The following ABCG2 variants were observed in gnomAD, a reference collection of about 807,000 sequenced individuals.
ABCG2 encodes ATP binding cassette subfamily G member 2 (JR blood group).
Under a neutral mutation model 73.5 loss-of-function variants are expected in ABCG2, and 80 were observed. The ratio of observed to expected loss-of-function variants is 1.09; its 90% confidence interval spans 0.91 to 1.31. ABCG2 has a LOEUF of 1.31. Ranked by LOEUF, ABCG2 falls within the 50% of genes most tolerant of loss-of-function variation. ABCG2 has a pLI of 0.00. For missense variants in ABCG2, 796 were observed against 786.2 expected (o/e 1.01, Z -0.15); for synonymous variants, 269 against 282.4 (o/e 0.95, Z 0.48).
intron 7 of ABCG2, among the ~76,000 whole-genome samples, 198 bp from the exon 8 acceptor site, chr4:88,115,256 C>CTCTCTCTATA (rs1309360818): frequency 2.9e-5 from 2 of 69,872 alleles, no homozygotes; most frequent in African/African-American, 1.1e-4. Flanking sequence ...CTCTCTCTCT[C>CTCTCTCTATA]TATATATATA....
Position 88,091,015 on chromosome 4 carries a change from C to T in ABCG2, c.*1219G>A, listed in dbSNP as rs1308670140. On this transcript the variant is annotated 3_prime_UTR_variant, in exon 16 of 16. Coordinates refer to ENST00000237612, the MANE Select transcript of ABCG2 (RefSeq NM_004827.3). Reference sequence around the variant, plus strand: ...GGAGATAATTAAGTATCAACCTATGCACACAGAAACACAACACTTGGCTGT... The same window carrying T: ...GGAGATAATTAAGTATCAACCTATGTACACAGAAACACAACACTTGGCTGT... 6.6e-6 allele frequency: 1 copy of T among 152,196 alleles called. No individual in the cohort carries two copies. Among genetic ancestry groups the T allele is most frequent in the East Asian group, 1.9e-4 (1 of 5,200 alleles). 9.4% of individuals were successfully genotyped at this position (152,196 alleles called of 1,614,324 possible). A position where few individuals can be genotyped will look rare whatever the true frequency, so the allele number is the denominator to read the frequency against.
intron 11 of ABCG2, among the ~76,000 whole-genome samples, chr4:88,100,622 C>T (rs1722342322): frequency 6.6e-6 from 1 of 151,928 alleles, no homozygotes; most frequent in South Asian, 2.1e-4. Flanking sequence ...TGGACTCCAG[C>T]CTGGGCGACA....
At chr4:88,172,708 A>G (rs997513857) in intron 1 of ABCG2, among the ~76,000 whole-genome samples, 8 of 152,198 alleles carry the variant, frequency 5.3e-5, no homozygotes, top group East Asian at 1.9e-4. Flanking sequence ...AGTGGCTACA[A>G]ATTCTTAGAG....
chr4:88,166,703 T>C (rs1376753364), intron 1 of ABCG2, among the ~76,000 whole-genome samples: 3 of 152,184 alleles, frequency 2.0e-5, no homozygotes, highest in Non-Finnish European at 4.4e-5. Flanking sequence ...GGTAAAGGGT[T>C]AGATAAATTC....
intron 1 of ABCG2, among the ~76,000 whole-genome samples, chr4:88,172,966 C>T (rs923341988): frequency 1.3e-5 from 2 of 152,256 alleles, no homozygotes; most frequent in African/African-American, 2.4e-5. Flanking sequence ...TGAAGGGTAG[C>T]TTAATTGCCT....
chr4:88,217,530 T>C (rs758040629), intron 1 of ABCG2, among the ~76,000 whole-genome samples: 7 of 151,996 alleles, frequency 4.6e-5, no homozygotes, highest in Non-Finnish European at 8.8e-5. Flanking sequence ...GGTGTGGTGG[T>C]GTGTGCCTAT....
At chr4:88,162,784 A>G (rs1727366902), upstream of ABCG2, among the ~76,000 whole-genome samples, 1 of 152,220 alleles carries the variant, frequency 6.6e-6, no homozygotes, top group Non-Finnish European at 1.5e-5. Flanking sequence ...CACCAGTGCA[A>G]AGGAGACTGA....
chr4:88,105,482 A>C (rs1722711795), intron 10 of ABCG2, among the ~76,000 whole-genome samples: 1 of 152,176 alleles, frequency 6.6e-6, no homozygotes, highest in South Asian at 2.1e-4. Flanking sequence ...TTCAGAACAC[A>C]ATACAGTCGA....
At chr4:88,152,365 C>T (rs1014176656) in intron 1 of ABCG2, among the ~76,000 whole-genome samples, 3 of 152,116 alleles carry the variant, frequency 2.0e-5, no homozygotes, top group Admixed American at 6.6e-5. Flanking sequence ...AAACAGGCTT[C>T]GTGTGAGCAA....
intron 1 of ABCG2, among the ~76,000 whole-genome samples, chr4:88,179,839 T>G (rs1728161299): frequency 6.6e-6 from 1 of 151,878 alleles, no homozygotes; most frequent in Non-Finnish European, 1.5e-5. Context: ...AGCAGGGAAA[T>G]AACGAGTGAG....
At chr4:88,135,258 A>C (rs570383117) in intron 2 of ABCG2, among the ~76,000 whole-genome samples, 74 of 152,146 alleles carry the variant, frequency 4.9e-4, no homozygotes, top group Non-Finnish European at 7.8e-4. Context: ...CAGCATTTGC[A>C]TGCAGGTCAG....
At position 88,120,679 on chromosome 4, in the gene ABCG2, C is replaced by T. The variant is rs1405114576; in HGVS notation, c.689+956G>A. Reference sequence around the variant, plus strand: ...CAGGTGTATTTACCCAATGCCTGTACTCCTATTGTATCTAGGAAGTTACTA... The same window carrying T: ...CAGGTGTATTTACCCAATGCCTGTATTCCTATTGTATCTAGGAAGTTACTA... On this transcript the variant is annotated intron_variant, in intron 6 of 15. Transcript: ENST00000237612. 3.3e-5 allele frequency among the ~76,000 whole-genome samples: 5 copies of T among 152,292 alleles called. No individual in the cohort carries two copies. In the South Asian group the frequency reaches 6.2e-4, roughly 19 times the overall value.
At chr4:88,181,086 A>G (rs1224550056) in intron 1 of ABCG2, among the ~76,000 whole-genome samples, 1 of 152,094 alleles carries the variant, frequency 6.6e-6, no homozygotes, top group African/African-American at 2.4e-5. Flanking sequence ...TTATGCAATC[A>G]GTGTTAGGTT....
intron 5 of ABCG2, among the ~76,000 whole-genome samples, chr4:88,123,485 G>A (rs1435469320): frequency 1.3e-5 from 2 of 152,070 alleles, no homozygotes; most frequent in Non-Finnish European, 2.9e-5. Flanking sequence ...TGATGAAGCT[G>A]AAAAACACAG....
chr4:88,229,888 C>A (rs916954885), intron 1 of ABCG2, among the ~76,000 whole-genome samples: 1 of 151,976 alleles, frequency 6.6e-6, no homozygotes, highest in Non-Finnish European at 1.5e-5. Context: ...CCTATGCAAA[C>A]TGATTTTCAA....
At chr4:88,153,770 G>A (rs780323296) in intron 1 of ABCG2, among the ~76,000 whole-genome samples, 24 of 152,250 alleles carry the variant, frequency 1.6e-4, no homozygotes, top group South Asian at 1.0e-3. Context: ...AAGTATTTTA[G>A]TTTCCTGACT....
At chr4:88,219,576 A>AAT (rs10626106) in intron 1 of ABCG2, among the ~76,000 whole-genome samples, 2 of 90,872 alleles carry the variant, frequency 2.2e-5, no homozygotes, top group Non-Finnish European at 2.0e-5. Flanking sequence ...TACCATTCAA[A>AAT]TTTTTTTTTT....
chr4:88,202,088 A>C (rs114421362), intron 1 of ABCG2, among the ~76,000 whole-genome samples: 1 of 151,920 alleles, frequency 6.6e-6, no homozygotes, highest in Non-Finnish European at 1.5e-5. Flanking sequence ...CACAAAATGA[A>C]TATCGGTGAA....
intron 1 of ABCG2, among the ~76,000 whole-genome samples, chr4:88,153,736 G>A (rs1726713931): frequency 6.6e-6 from 1 of 152,072 alleles, no homozygotes; most frequent in African/African-American, 2.4e-5. Context: ...TACCTATCCA[G>A]TGAAAGTGTC....
Sources: allele counts gnomAD v4.1 joint callset (sites outside exome capture counted in the v4.1 genomes callset), GRCh38; gene constraint gnomAD v4.1.1; transcripts MANE v1.5; gene names NCBI Gene and HGNC (gene_info 2026-07-23, HGNC 2026-07-21).